The following SASH1 variants were observed in gnomAD, a reference collection of about 807,000 sequenced individuals.
The protein encoded by SASH1 is SAM and SH3 domain-containing protein 1.
Under a neutral mutation model 125.2 loss-of-function variants are expected in SASH1, and 44 were observed. That is an observed-to-expected ratio of 0.35 (90% CI 0.28 to 0.45). The LOEUF is 0.45. Among genes scored for constraint, SASH1 ranks in the 20% least tolerant of loss-of-function variants. SASH1 has a pLI of 1.00. For synonymous variants in SASH1, 639 were observed against 649.1 expected, an observed-to-expected ratio of 0.98 and a Z score of 0.24; for missense variants, 1,426 against 1,614.5, an observed-to-expected ratio of 0.88 and a Z score of 2.00.
intron 2 of SASH1, among the ~76,000 whole-genome samples, chr6:148,405,906 C>T (rs1784351926): frequency 6.6e-6 from 1 of 152,140 alleles, no homozygotes; most frequent in African/African-American, 2.4e-5. Flanking sequence ...CTTTAAAGTG[C>T]AACTTGTTAC....
intron 2 of SASH1, among the ~76,000 whole-genome samples, chr6:148,411,255 C>CAT (rs1326767540): frequency 1.4e-5 from 2 of 143,934 alleles, no homozygotes; most frequent in Non-Finnish European, 3.0e-5. Context: ...GTTCTAGTTA[C>CAT]ATATATAATT....
chr6:148,439,017 C>T (rs139567333), intron 2 of SASH1, among the ~76,000 whole-genome samples: 3 of 152,144 alleles, frequency 2.0e-5, no homozygotes, highest in South Asian at 2.1e-4. Context: ...AAAAGGTTTT[C>T]GGTATTGGTG....
In SASH1 at chr6:148,532,837, C is replaced by G. The variant is rs1781602981; in HGVS notation, c.1605C>G (p.Asn535Lys). The change falls in exon 14 of 20, where the codon AAC becomes AAG. Residue 535 changes from asparagine to lysine, a missense_variant. Transcript: ENST00000367467. The surrounding 1 kb of genome is among the most constrained non-coding windows in gnomAD (Gnocchi z 4.7). ...TVSTTDSSTS[N>K]RESVKSEDGD... ...GCACCACTGATTCCTCAACCAGCAA[C>G]CGGGAAAGCGTCAAGTCGGAAGATG... is the stretch of plus-strand genomic sequence containing the variant. 1.2e-6 allele frequency: 2 copies of G among 1,614,112 alleles called. No individual in the cohort carries two copies. Among genetic ancestry groups the G allele is most frequent in the South Asian group, 1.1e-5 (1 of 91,092 alleles).
the SASH1 span, among the ~76,000 whole-genome samples, chr6:148,220,652 T>C: frequency 6.7e-4 from 102 of 152,196 alleles, no homozygotes; most frequent in African/African-American, 2.3e-3. Context: ...TGGTGGCTCA[T>C]GCCTGTAATC....
chr6:148,330,704 C>T (rs1780969008), intron 1 of SASH1, among the ~76,000 whole-genome samples: 1 of 152,174 alleles, frequency 6.6e-6, no homozygotes, highest in Admixed American at 6.6e-5. Context: ...TCCTGCCTCA[C>T]CCTCCCAAGT....
At chr6:148,436,748 C>CT (rs1297010327) in intron 2 of SASH1, among the ~76,000 whole-genome samples, 1 of 152,140 alleles carries the variant, frequency 6.6e-6, no homozygotes, top group East Asian at 1.9e-4. Context: ...GCTCCAAACA[C>CT]TGTAGAGCAG....
intron 1 of SASH1, among the ~76,000 whole-genome samples, chr6:148,326,376 A>ATACTTTCTT (rs1582968893): frequency 2.6e-5 from 1 of 38,294 alleles, no homozygotes. Flanking sequence ...ATATATATAC[A>ATACTTTCTT]TTCTTTTCTT....
At chr6:148,537,990 C>T (rs981892606) in intron 16 of SASH1, among the ~76,000 whole-genome samples, 1 of 152,114 alleles carries the variant, frequency 6.6e-6, no homozygotes, top group African/African-American at 2.4e-5. Flanking sequence ...TTCCTTCTTA[C>T]CTTTTGTACC....
intron 1 of SASH1, among the ~76,000 whole-genome samples, chr6:148,386,508 G>T (rs1783373894): frequency 6.6e-6 from 1 of 152,134 alleles, no homozygotes; most frequent in Non-Finnish European, 1.5e-5. Flanking sequence ...GAGAGTGATG[G>T]ATTTCTATTC....
chr6:148,407,632 A>C (rs1784428598), intron 2 of SASH1, among the ~76,000 whole-genome samples: 1 of 151,884 alleles, frequency 6.6e-6, no homozygotes, highest in Non-Finnish European at 1.5e-5. Context: ...TCTACTTTTA[A>C]TTTTTTTGTT....
intron 8 of SASH1, among the ~76,000 whole-genome samples, chr6:148,498,236 A>AAAC (rs1562459773): frequency 2.9e-3 from 66 of 23,002 alleles, no homozygotes; most frequent in African/African-American, 0.02. Flanking sequence ...CAAACAAACA[A>AAAC]AAAAAAAAAA....
chr6:148,320,995 T>G (rs1780619748), intron 1 of SASH1, among the ~76,000 whole-genome samples: 1 of 152,244 alleles, frequency 6.6e-6, no homozygotes, highest in South Asian at 2.1e-4. Flanking sequence ...AAGGCTGCAC[T>G]AACCGTCCAG....
intron 2 of SASH1, among the ~76,000 whole-genome samples, chr6:148,429,095 T>C (rs892422957): frequency 2.0e-5 from 3 of 152,242 alleles, no homozygotes; most frequent in South Asian, 2.1e-4. Context: ...TAAGTTCTTA[T>C]GTATCTAGGT....
At chr6:148,313,905 T>G (rs1441199159) in intron 1 of SASH1, among the ~76,000 whole-genome samples, 1 of 152,170 alleles carries the variant, frequency 6.6e-6, no homozygotes, top group African/African-American at 2.4e-5. Context: ...CCCTCCCCCT[T>G]GCATAGCTCT....
chr6:148,348,946 C>A (rs1334017837), intron 1 of SASH1, among the ~76,000 whole-genome samples: 1 of 152,240 alleles, frequency 6.6e-6, no homozygotes, highest in Non-Finnish European at 1.5e-5. Context: ...CACTCAGGAT[C>A]AGCAACCCAG....
At chr6:148,201,695 G>T in the SASH1 span, among the ~76,000 whole-genome samples, 53 of 152,346 alleles carry the variant, frequency 3.5e-4, no homozygotes, top group East Asian at 2.7e-3. Flanking sequence ...CCTGGGGCCT[G>T]TCGAAGACCT....
intron 4 of SASH1, among the ~76,000 whole-genome samples, chr6:148,459,064 T>C (rs1288444101): frequency 1.3e-5 from 2 of 151,694 alleles, no homozygotes; most frequent in South Asian, 2.1e-4. Context: ...ACATTAGTTA[T>C]TAACTTTGAA....
chr6:148,365,673 G>C (rs777625414), intron 1 of SASH1, among the ~76,000 whole-genome samples: 10 of 151,998 alleles, frequency 6.6e-5, no homozygotes, highest in Non-Finnish European at 1.3e-4. Context: ...GATGGAGCTA[G>C]GAATATAAAG....
Position 148,471,412 on chromosome 6 carries a change from TTAAGG to T in SASH1, c.428-4_428del. ...TTTTTTTTTTTTTTTTTTTTTTTTT[TTAAGG>T]AAAAGGAGACTGGAAGAAGAAAAAT... On this transcript the variant is annotated splice_acceptor_variant and splice_polypyrimidine_tract_variant and coding_sequence_variant and intron_variant, in exon 6 of 20. Transcript: ENST00000367467. LOFTEE classifies it high-confidence loss of function. 1.8e-6 allele frequency: 2 copies of T among 1,098,550 alleles called. No individual in the cohort carries two copies. Among genetic ancestry groups the T allele is most frequent in the Non-Finnish European group, 2.5e-6 (2 of 789,180 alleles). 68.1% of individuals were successfully genotyped at this position (1,098,550 alleles called of 1,614,324 possible).
Sources: gnomAD v4.1 joint callset for allele counts (sites outside exome capture counted in the v4.1 genomes callset) on GRCh38, gnomAD v4.1.1 for gene constraint, Gnocchi (gnomAD v3.1) non-coding constraint, MANE v1.5 for transcripts, NCBI Gene and HGNC (gene_info 2026-07-23, HGNC 2026-07-21) for gene names.